Variants in GRM7 observed in about 807,000 individuals in gnomAD.
GRM7 encodes the protein glutamate metabotropic receptor 7.
GRM7 carries 35 observed loss-of-function variants against 84.5 expected under a neutral mutation model. The observed-to-expected ratio is 0.41, with a 90% CI of 0.32 to 0.55. The LOEUF (loss-of-function observed/expected upper bound fraction) is 0.55. Ranked by LOEUF, GRM7 falls within the 20% of genes least tolerant of loss-of-function variation. The pLI is 0.19. For synonymous variants in GRM7, 487 were observed against 455.1 expected, an observed-to-expected ratio of 1.07 and a Z score of -0.89; for missense variants, 1,003 against 1,194.6, an observed-to-expected ratio of 0.84 and a Z score of 2.36.
intron 2 of GRM7, among the ~76,000 whole-genome samples, chr3:7,212,196 C>CTT (rs35580518): frequency 0.016 from 2,388 of 145,212 alleles, 28 homozygotes; most frequent in Non-Finnish European, 0.027. Context: ...TCCTTTGGGT[C>CTT]TTTTTTTTTT....
At chr3:7,674,304 G>C (rs1234335341) in intron 8 of GRM7, among the ~76,000 whole-genome samples, 1 of 151,584 alleles carries the variant, frequency 6.6e-6, no homozygotes, top group Admixed American at 6.6e-5. Flanking sequence ...CAATTCTCCT[G>C]CCTCAGCCTC....
chr3:6,980,612 G>A (rs1292398997), intron 1 of GRM7, among the ~76,000 whole-genome samples: 1 of 152,174 alleles, frequency 6.6e-6, no homozygotes, highest in East Asian at 1.9e-4. Flanking sequence ...TATAAATGCA[G>A]TATGAACACA....
chr3:7,513,022 G>A (rs1398421130), intron 7 of GRM7, among the ~76,000 whole-genome samples: 1 of 152,202 alleles, frequency 6.6e-6, no homozygotes, highest in East Asian at 1.9e-4. Context: ...ATGGCTGCCA[G>A]GCAGTAGTAC....
At chr3:7,436,061 G>C (rs9756969) in intron 5 of GRM7, among the ~76,000 whole-genome samples, 38,611 of 151,410 alleles carry the variant, frequency 0.26, 6,938 homozygotes, top group African/African-American at 0.51. Flanking sequence ...TGGCCAGGCT[G>C]GTCTCAAACT....
intron 7 of GRM7, among the ~76,000 whole-genome samples, chr3:7,542,950 C>A (rs113781007): frequency 1.6e-3 from 242 of 152,278 alleles, no homozygotes; most frequent in African/African-American, 5.4e-3. Flanking sequence ...CCTCGCCATA[C>A]CCTCAAACAT....
intron 9 of GRM7, among the ~76,000 whole-genome samples, chr3:7,696,085 G>A (rs919977714): frequency 2.0e-5 from 3 of 152,132 alleles, no homozygotes; most frequent in African/African-American, 7.2e-5. Flanking sequence ...CTTAGAGAAG[G>A]TAAAAAGAGG....
At chr3:7,432,994 A>T (rs767362304) in intron 5 of GRM7, among the ~76,000 whole-genome samples, 1 of 152,214 alleles carries the variant, frequency 6.6e-6, no homozygotes, top group Non-Finnish European at 1.5e-5. Context: ...CTGAAGAAAG[A>T]CAATAATCCA....
chr3:7,590,316 T>A (rs1695717911), intron 8 of GRM7, among the ~76,000 whole-genome samples: 1 of 152,146 alleles, frequency 6.6e-6, no homozygotes, highest in Non-Finnish European at 1.5e-5. Flanking sequence ...TAACTCAAGA[T>A]CACAAAATAC....
chr3:7,315,887 A>C (rs993774395), intron 4 of GRM7, among the ~76,000 whole-genome samples: 7 of 152,110 alleles, frequency 4.6e-5, no homozygotes, highest in African/African-American at 1.4e-4. Context: ...GGAGCTGCCT[A>C]CTCTGCCATT....
At chr3:7,620,339 A>G (rs1697298460) in intron 8 of GRM7, among the ~76,000 whole-genome samples, 1 of 152,190 alleles carries the variant, frequency 6.6e-6, no homozygotes, top group Non-Finnish European at 1.5e-5. Context: ...TCTGGCAAAT[A>G]AAATAAGAAT....
At chr3:7,061,920 C>T (rs1697445644) in intron 1 of GRM7, among the ~76,000 whole-genome samples, 1 of 151,630 alleles carries the variant, frequency 6.6e-6, no homozygotes, top group South Asian at 2.1e-4. Flanking sequence ...ATATTCCCTG[C>T]CCCTAACTTC....
intron 4 of GRM7, among the ~76,000 whole-genome samples, chr3:7,340,678 T>C (rs912311308): frequency 1.3e-5 from 2 of 152,164 alleles, no homozygotes; most frequent in Non-Finnish European, 2.9e-5. Flanking sequence ...AAAGTGCCCT[T>C]GCCCTCAACC....
chr3:7,667,918 C>T (rs1029213148), intron 8 of GRM7, among the ~76,000 whole-genome samples: 3 of 150,288 alleles, frequency 2.0e-5, no homozygotes, highest in African/African-American at 7.3e-5. Flanking sequence ...TCATGGCAAC[C>T]ATTTCATTTT....
At chr3:7,722,187 T>C (rs1191223455) in intron 9 of GRM7, among the ~76,000 whole-genome samples, 3 of 152,190 alleles carry the variant, frequency 2.0e-5, no homozygotes, top group African/African-American at 7.2e-5. Context: ...AAAACACGTA[T>C]CAGTGTTATA....
intron 8 of GRM7, among the ~76,000 whole-genome samples, chr3:7,586,625 T>C (rs1260552967): frequency 6.6e-6 from 1 of 152,084 alleles, no homozygotes; most frequent in African/African-American, 2.4e-5. Flanking sequence ...TTGGCCAACA[T>C]GGTGAAATCC....
chr3:7,513,433 G>T (rs76146133), intron 7 of GRM7, among the ~76,000 whole-genome samples: 12,509 of 151,326 alleles, frequency 0.083, 697 homozygotes, highest in South Asian at 0.14. Context: ...TATCTATTAT[G>T]CTAAACTCAC....
chr3:7,133,662 A>C lies in GRM7; in HGVS notation c.520-12790A>C, dbSNP rs1693676759. On this transcript the variant is annotated intron_variant, in intron 1 of 9. Coordinates refer to ENST00000357716, the MANE Select transcript of GRM7 (RefSeq NM_000844.4). ...ATGCTGGCTCTTGAGGCCTGGAAGAAGTCTAGGATCATATTTAATCAATAT... is the reference window on the plus strand; with the variant it reads ...ATGCTGGCTCTTGAGGCCTGGAAGACGTCTAGGATCATATTTAATCAATAT... Among the ~76,000 whole-genome samples, 4 of 152,360 alleles carry C rather than the reference A, an allele frequency of 2.6e-5. No homozygotes were observed. In the South Asian group the frequency reaches 8.3e-4, roughly 32 times the overall value.
chr3:7,072,634 C>A (rs763320391), intron 1 of GRM7, among the ~76,000 whole-genome samples: 1 of 151,794 alleles, frequency 6.6e-6, no homozygotes, highest in Non-Finnish European at 1.5e-5. Flanking sequence ...TGCAGTGAGC[C>A]GTTGAACACA....
intron 1 of GRM7, among the ~76,000 whole-genome samples, chr3:7,144,012 A>T (rs535098932): frequency 1.9e-4 from 29 of 152,210 alleles, no homozygotes; most frequent in African/African-American, 7.0e-4. Flanking sequence ...TTCTATAAAG[A>T]TATTTGTATG....
Sources: allele counts gnomAD v4.1 joint callset (sites outside exome capture counted in the v4.1 genomes callset), GRCh38; gene constraint gnomAD v4.1.1; transcripts MANE v1.5; gene names NCBI Gene and HGNC (gene_info 2026-07-23, HGNC 2026-07-21).